Variants in MNAT1 observed in about 807,000 individuals in gnomAD.
MNAT1 encodes the protein CDK-activating kinase assembly factor MAT1.
In MNAT1, 43 loss-of-function variants were observed where a neutral mutation model predicts 42.0. The observed-to-expected ratio is 1.02, with a 90% CI of 0.80 to 1.32. MNAT1 has a LOEUF of 1.32. Ranked by LOEUF, MNAT1 falls within the 40% of genes most tolerant of loss-of-function variation. The probability of loss-of-function intolerance (pLI) is 0.00; values close to 1 mark genes in which losing one functional copy is unlikely to be tolerated. For synonymous variants in MNAT1, 118 were observed against 120.0 expected (o/e 0.98, Z 0.11); for missense variants, 306 against 350.4 (o/e 0.87, Z 1.01).
intron 7 of MNAT1, among the ~76,000 whole-genome samples, chr14:60,911,055 G>T (rs1167114355): frequency 1.3e-5 from 2 of 152,154 alleles, no homozygotes; most frequent in African/African-American, 4.8e-5. Flanking sequence ...AGTCTTGGGA[G>T]GGTGTGTGTG....
chr14:60,950,817 A>G (rs918206504), intron 7 of MNAT1, among the ~76,000 whole-genome samples: 9 of 152,210 alleles, frequency 5.9e-5, no homozygotes, highest in Admixed American at 5.2e-4. Flanking sequence ...AGCTATTATC[A>G]TGGCTGCACT....
intron 7 of MNAT1, among the ~76,000 whole-genome samples, chr14:60,939,866 T>G (rs1014874723): frequency 1.3e-5 from 2 of 152,182 alleles, no homozygotes; most frequent in Non-Finnish European, 2.9e-5. Flanking sequence ...TGTGGGAGTC[T>G]AAGTCTCTTT....
intron 1 of MNAT1, chr14:60,780,289 T>G (rs751393243): frequency 1.4e-6 from 2 of 1,468,408 alleles, no homozygotes; most frequent in Non-Finnish European, 1.9e-6. Context: ...AGTTTGATAT[T>G]GAGTGTGATA....
chr14:60,801,350 G>C (rs1031951634), intron 3 of MNAT1, among the ~76,000 whole-genome samples: 1 of 152,142 alleles, frequency 6.6e-6, no homozygotes, highest in African/African-American at 2.4e-5. Context: ...ATAGACAAAT[G>C]GGATTGTATC....
intron 4 of MNAT1, among the ~76,000 whole-genome samples, chr14:60,809,443 G>T (rs970604565): frequency 6.6e-6 from 1 of 151,974 alleles, no homozygotes; most frequent in Non-Finnish European, 1.5e-5. Flanking sequence ...TGTCATTAAT[G>T]TTACTCTCTT....
At chr14:60,822,228 C>T (rs180678295) in intron 6 of MNAT1, among the ~76,000 whole-genome samples, 27 of 152,128 alleles carry the variant, frequency 1.8e-4, no homozygotes, top group African/African-American at 3.6e-4. Context: ...TTCTGTGTTT[C>T]GTAATGTTCT....
chr14:60,904,457 C>T (rs920877968), intron 7 of MNAT1, among the ~76,000 whole-genome samples: 3 of 152,044 alleles, frequency 2.0e-5, no homozygotes, highest in Non-Finnish European at 4.4e-5. Context: ...AAAATTCTAA[C>T]CTGGCTCTAG....
At chr14:60,764,909 T>G (rs986489995) in intron 1 of MNAT1, among the ~76,000 whole-genome samples, 1 of 152,030 alleles carries the variant, frequency 6.6e-6, no homozygotes, top group Admixed American at 6.6e-5. Flanking sequence ...AGGGGCAGTG[T>G]GTATAATGAG....
At chr14:60,918,075 A>G (rs1008969785) in intron 7 of MNAT1, among the ~76,000 whole-genome samples, 3 of 151,806 alleles carry the variant, frequency 2.0e-5, no homozygotes, top group Non-Finnish European at 2.9e-5. Flanking sequence ...AACCTTTGAA[A>G]ACTTTGATGG....
chr14:60,905,944 A>C (rs570514629), intron 7 of MNAT1, among the ~76,000 whole-genome samples: 1 of 152,214 alleles, frequency 6.6e-6, no homozygotes, highest in African/African-American at 2.4e-5. Context: ...AGTCAAGTTG[A>C]CACATAAAAT....
At chr14:60,854,832 C>A (rs1042705929) in intron 6 of MNAT1, among the ~76,000 whole-genome samples, 1 of 152,164 alleles carries the variant, frequency 6.6e-6, no homozygotes, top group Non-Finnish European at 1.5e-5. Flanking sequence ...GTGCACTGTG[C>A]TGGGAGAATT....
chr14:60,786,761 G>A (rs1454370533), intron 1 of MNAT1, among the ~76,000 whole-genome samples: 1 of 152,136 alleles, frequency 6.6e-6, no homozygotes, highest in East Asian at 1.9e-4. Context: ...CTTCTGTGTT[G>A]AGTCTGTTGT....
At chr14:60,886,448 C>T (rs2034672781) in intron 7 of MNAT1, among the ~76,000 whole-genome samples, 1 of 151,810 alleles carries the variant, frequency 6.6e-6, no homozygotes, top group South Asian at 2.1e-4. Flanking sequence ...CTTTGACCTC[C>T]TTTGTTAAAT....
chr14:60,961,755 A>G (rs967789810), intron 7 of MNAT1, among the ~76,000 whole-genome samples: 16 of 151,856 alleles, frequency 1.1e-4, no homozygotes, highest in African/African-American at 3.9e-4. Context: ...TTTTTTTTTG[A>G]GAATGAATGA....
chr14:60,774,274 A>T (rs2031167913), intron 1 of MNAT1, among the ~76,000 whole-genome samples: 1 of 152,182 alleles, frequency 6.6e-6, no homozygotes, highest in Non-Finnish European at 1.5e-5. Flanking sequence ...CCATGGGAAG[A>T]TTGGGAAGAA....
intron 7 of MNAT1, among the ~76,000 whole-genome samples, chr14:60,881,433 C>T (rs775799299): frequency 6.6e-6 from 1 of 152,068 alleles, no homozygotes; most frequent in African/African-American, 2.4e-5. Flanking sequence ...GATCTGCCCA[C>T]CTTGGCCCCC....
At chr14:60,861,009 C>T (rs1186113402) in intron 6 of MNAT1, among the ~76,000 whole-genome samples, 1 of 152,052 alleles carries the variant, frequency 6.6e-6, no homozygotes, top group Non-Finnish European at 1.5e-5. Flanking sequence ...AAAATACCAC[C>T]AGTGCTGACA....
intron 7 of MNAT1, among the ~76,000 whole-genome samples, chr14:60,927,976 GT>G (rs1314638821): frequency 6.6e-6 from 1 of 152,172 alleles, no homozygotes; most frequent in Non-Finnish European, 1.5e-5. Context: ...CTACAGTCCA[GT>G]TTTAGAACCT....
intron 5 of MNAT1, among the ~76,000 whole-genome samples, chr14:60,812,777 C>G (rs991265720): frequency 2.6e-5 from 4 of 152,200 alleles, no homozygotes; most frequent in African/African-American, 9.7e-5. Flanking sequence ...GAAGAGACAA[C>G]CTGACTTCGG....
Sources: allele counts gnomAD v4.1 joint callset (sites outside exome capture counted in the v4.1 genomes callset), GRCh38; gene constraint gnomAD v4.1.1; transcripts MANE v1.5; gene names NCBI Gene and HGNC (gene_info 2026-07-23, HGNC 2026-07-21).